NRG1: variants seen among roughly 807,000 people sequenced by gnomAD.
NRG1 encodes neuregulin 1.
In NRG1, 18 loss-of-function variants were observed where a neutral mutation model predicts 63.8. The ratio of observed to expected loss-of-function variants is 0.28; its 90% CI spans 0.19 to 0.42. The LOEUF (loss-of-function observed/expected upper bound fraction) is 0.42, where lower values mean the gene tolerates loss of function less well. Among genes scored for constraint, NRG1 ranks in the 10% least tolerant of loss-of-function variants. NRG1 has a pLI of 1.00. For synonymous variants in NRG1, 302 were observed against 301.3 expected (o/e 1.00, Z -0.02); for missense variants, 762 against 814.7 (o/e 0.94, Z 0.79).
At chr8:32,025,265 TAAAAC>T (rs1045491761) in intron 1 of NRG1, among the ~76,000 whole-genome samples, 4 of 152,084 alleles carry the variant, frequency 2.6e-5, no homozygotes, top group African/African-American at 9.7e-5. Context: ...TAAAAACAAT[TAAAAC>T]AATGCATCAA....
At chr8:31,678,580 C>T (rs1227472368) in intron 1 of NRG1, among the ~76,000 whole-genome samples, 1 of 151,630 alleles carries the variant, frequency 6.6e-6, no homozygotes, top group Non-Finnish European at 1.5e-5. Context: ...TTTGACAAGT[C>T]TGTGTGACCC....
At chr8:32,755,947 G>T (rs1829600069) in intron 8 of NRG1, among the ~76,000 whole-genome samples, 2 of 151,964 alleles carry the variant, frequency 1.3e-5, no homozygotes, top group African/African-American at 2.4e-5. Context: ...TCTCCATGTT[G>T]CCCAGGCTAG....
At chr8:32,182,777 A>G (rs910891390) in intron 1 of NRG1, among the ~76,000 whole-genome samples, 2 of 152,134 alleles carry the variant, frequency 1.3e-5, no homozygotes, top group Non-Finnish European at 1.5e-5. Context: ...ACTATGGTTT[A>G]TATTTTTTGC....
intron 1 of NRG1, among the ~76,000 whole-genome samples, chr8:32,262,429 G>A (rs1850486323): frequency 6.6e-6 from 1 of 152,162 alleles, no homozygotes; most frequent in Admixed American, 6.5e-5. Flanking sequence ...GAATTTGTCA[G>A]GATTCTCCGT....
chr8:32,705,470 C>T (rs1254226309), intron 5 of NRG1, among the ~76,000 whole-genome samples: 2 of 152,090 alleles, frequency 1.3e-5, no homozygotes, highest in East Asian at 1.9e-4. Flanking sequence ...CTATCCTTGA[C>T]GAAATGTGCT....
At chr8:32,511,367 G>GTGTATATATATATATA (rs1338353608) in intron 1 of NRG1, among the ~76,000 whole-genome samples, 19 of 122,060 alleles carry the variant, frequency 1.6e-4, no homozygotes, top group Non-Finnish European at 2.2e-4. Flanking sequence ...ATATATATGT[G>GTGTATATATATATATA]TATATATATA....
intron 1 of NRG1, among the ~76,000 whole-genome samples, chr8:31,675,699 T>A (rs547592699): frequency 9.8e-5 from 15 of 152,290 alleles, no homozygotes; most frequent in African/African-American, 3.6e-4. Context: ...TGATATACAG[T>A]GTATTATTCC....
intron 1 of NRG1, among the ~76,000 whole-genome samples, chr8:31,951,434 A>AT (rs765040999): frequency 1.7e-4 from 26 of 152,240 alleles, no homozygotes; most frequent in African/African-American, 3.1e-4. Context: ...CAAAGAGGTG[A>AT]TCCCTCCTCT....
rs557560374 is a variant in NRG1, at chr8:32,667,081, G to A, written c.502+50196G>A. Among the ~76,000 whole-genome samples the A allele has an allele frequency of 3.3e-5, 5 of 152,274 alleles. No individual in the cohort carries two copies. In the East Asian group the frequency reaches 7.7e-4, roughly 24 times the overall value. ...AACATCATAGAGTGACTTAACACAA[G>A]CCTTGATGGTATAGCCAACTACACA... On this transcript the variant is annotated intron_variant, in intron 5 of 11. Transcript: ENST00000356819.
chr8:32,735,831 C>T (rs1224202093), intron 6 of NRG1, among the ~76,000 whole-genome samples: 1 of 152,106 alleles, frequency 6.6e-6, no homozygotes, highest in Non-Finnish European at 1.5e-5. Context: ...TCACAAACAC[C>T]GCCACCCTCA....
At chr8:32,412,603 T>C (rs945038036) in intron 1 of NRG1, among the ~76,000 whole-genome samples, 2 of 151,698 alleles carry the variant, frequency 1.3e-5, no homozygotes, top group African/African-American at 2.4e-5. Context: ...GTGAATATCA[T>C]AGAATATTCT....
rs150676840 is a variant in NRG1, at chr8:32,564,049, C to T, written c.100+15223C>T. Among the ~76,000 whole-genome samples, 1,325 of 152,156 alleles carry T rather than the reference C, an allele frequency of 8.7e-3. 64 individuals carry two copies. The highest frequency in any genetic ancestry group is 0.079 in the Admixed American group (1,206 of 15,284). The stretch of plus-strand genomic sequence containing the variant: ...GTGAAGTGGATTAAGCTGCTGTGAT[C>T]GTCCCTGTGAATGTGTATGATAAAT... On this transcript the variant is annotated intron_variant, in intron 1 of 11. Transcript: ENST00000356819.
intron 1 of NRG1, among the ~76,000 whole-genome samples, chr8:31,970,072 T>C (rs1807025330): frequency 6.6e-6 from 1 of 152,196 alleles, no homozygotes; most frequent in Admixed American, 6.5e-5. Flanking sequence ...TAATTGAATA[T>C]AGTGAGTATA....
chr8:31,950,077 AGTGT>A (rs1319176620), intron 1 of NRG1, among the ~76,000 whole-genome samples: 1 of 152,138 alleles, frequency 6.6e-6, no homozygotes, highest in East Asian at 1.9e-4. Flanking sequence ...ATACATGTTT[AGTGT>A]ATGAAGAAAG....
At chr8:31,809,693 A>G (rs1376454324) in intron 1 of NRG1, among the ~76,000 whole-genome samples, 1 of 142,196 alleles carries the variant, frequency 7.0e-6, no homozygotes, top group Non-Finnish European at 1.5e-5. Context: ...CCCTTAAGCT[A>G]GTTCATTATT....
At chr8:31,752,264 G>T (rs1816552857) in intron 1 of NRG1, among the ~76,000 whole-genome samples, 1 of 152,056 alleles carries the variant, frequency 6.6e-6, no homozygotes, top group African/African-American at 2.4e-5. Flanking sequence ...GCAAGAGAAT[G>T]CTTGGGATGC....
chr8:31,865,743 C>T (rs1425852390), intron 1 of NRG1, among the ~76,000 whole-genome samples: 1 of 152,160 alleles, frequency 6.6e-6, no homozygotes, highest in Non-Finnish European at 1.5e-5. Context: ...GTCAATTAAA[C>T]CTCTTTCCAT....
intron 1 of NRG1, among the ~76,000 whole-genome samples, chr8:32,122,621 T>TATC (rs1470942273): frequency 6.6e-6 from 1 of 151,602 alleles, no homozygotes; most frequent in Non-Finnish European, 1.5e-5. Context: ...AACTTTTTAT[T>TATC]ATTATTATTA....
chr8:32,368,986 A>G (rs568123740), intron 1 of NRG1, among the ~76,000 whole-genome samples: 1 of 152,182 alleles, frequency 6.6e-6, no homozygotes, highest in East Asian at 1.9e-4. Flanking sequence ...GCATATGTGT[A>G]TGATACATGT....
Sources: gnomAD v4.1 joint callset for allele counts (sites outside exome capture counted in the v4.1 genomes callset) on GRCh38, gnomAD v4.1.1 for gene constraint, MANE v1.5 for transcripts, NCBI Gene and HGNC (gene_info 2026-07-23, HGNC 2026-07-21) for gene names.